C21orf91: variants seen among roughly 807,000 people sequenced by gnomAD.
The protein encoded by C21orf91 is chromosome 21 open reading frame 91, also known as protein EURL homolog.
Under a neutral mutation model 32.9 loss-of-function variants are expected in C21orf91, and 26 were observed. That is an observed-to-expected ratio of 0.79 (90% CI 0.58 to 1.10). C21orf91 has a LOEUF of 1.10. Ranked by LOEUF, C21orf91 falls within the 50% of genes least tolerant of loss-of-function variation. The probability of loss-of-function intolerance (pLI) is 0.00; values close to 1 mark genes in which losing one functional copy is unlikely to be tolerated. For missense variants in C21orf91, 310 were observed against 341.3 expected, an observed-to-expected ratio of 0.91 and a Z score of 0.72; for synonymous variants, 126 against 120.4, an observed-to-expected ratio of 1.05 and a Z score of -0.31.
chr21:17,814,310 T>C (rs2062651540), intron 2 of C21orf91, among the ~76,000 whole-genome samples: 3 of 152,180 alleles, frequency 2.0e-5, no homozygotes, highest in Non-Finnish European at 4.4e-5. Flanking sequence ...TGAACTATGA[T>C]GCATATTAGA....
rs1157661266 is a variant in C21orf91 at position 17,789,236 on chromosome 21, C to T, written c.*4179G>A. The T allele has an allele frequency of 7.0e-6, 1 of 142,086 alleles. No homozygotes were observed. The highest frequency in any genetic ancestry group is 2.8e-5 in the African/African-American group (1 of 36,118). The allele number at this position is 142,086 out of a possible 1,614,324, so 8.8% of individuals were successfully genotyped here. A position where few individuals can be genotyped will look rare whatever the true frequency, so the allele number is the denominator to read the frequency against. ...AGTTCAATGACCATAGTATACGCTA[C>T]TGTTTTAAAGCAAGGTTCACACACA... On this transcript the variant is annotated 3_prime_UTR_variant, in exon 5 of 5. Transcript: ENST00000284881.
At chr21:17,814,650 AG>A (rs1217921605) in intron 2 of C21orf91, among the ~76,000 whole-genome samples, 3 of 152,096 alleles carry the variant, frequency 2.0e-5, no homozygotes, top group African/African-American at 7.2e-5. Context: ...GAAGAGAGTG[AG>A]GGGGGGAGGT....
At position 17,791,098 on chromosome 21, in the gene C21orf91, T is replaced by TA. The variant is rs1391047160; in HGVS notation, c.*2316dup. 6.6e-6 allele frequency: 1 copy of TA among 152,184 alleles called. No homozygotes were observed. The highest frequency in any genetic ancestry group is 2.4e-5 in the African/African-American group (1 of 41,470). 9.4% of individuals were successfully genotyped at this position (152,184 alleles called of 1,614,324 possible). A position where few individuals can be genotyped will look rare whatever the true frequency, so the allele number is the denominator to read the frequency against. On this transcript the variant is annotated 3_prime_UTR_variant, in exon 5 of 5. Transcript: ENST00000284881. ...AGAACTCAACTCTGTACCTGATACT[T>TA]ATATTTGCATACACAGTAATTGCAT...
At chr21:17,806,791 G>A (rs1383778844) in intron 2 of C21orf91, among the ~76,000 whole-genome samples, 1 of 152,076 alleles carries the variant, frequency 6.6e-6, no homozygotes, top group Non-Finnish European at 1.5e-5. Context: ...AGTGAGTCAA[G>A]ATCCTGTCAC....
chr21:17,810,862 T>C (rs1343199969), intron 2 of C21orf91: 3 of 152,252 alleles, frequency 2.0e-5, no homozygotes, highest in Non-Finnish European at 4.4e-5. Flanking sequence ...GTTGGCATAT[T>C]ATTGTTTGTT....
At position 17,789,343 on chromosome 21, in the gene C21orf91, G is replaced by A. The variant is rs2062454488; in HGVS notation, c.*4072C>T. On this transcript the variant is annotated 3_prime_UTR_variant, in exon 5 of 5. Coordinates refer to ENST00000284881, the MANE Select transcript of C21orf91 (RefSeq NM_001100420.2). ...TACTTTCTAAATTGCCTCTTTTGGA[G>A]GTACGGTGAAAGAAAAACATTCTAG... The A allele has an allele frequency of 1.3e-5, 2 of 151,800 alleles. No individual in the cohort carries two copies. Among genetic ancestry groups the A allele is most frequent in the Admixed American group, 6.6e-5 (1 of 15,250 alleles). The allele number at this position is 151,800 out of a possible 1,614,324, so 9.4% of individuals were successfully genotyped here.
chr21:17,815,548 T>C (rs1342191030), intron 2 of C21orf91, among the ~76,000 whole-genome samples: 3 of 152,078 alleles, frequency 2.0e-5, no homozygotes, highest in African/African-American at 7.3e-5. Flanking sequence ...TTTTCTAGTA[T>C]GTAATTATTA....
chr21:17,802,065 C>A (rs1450114484), intron 2 of C21orf91, among the ~76,000 whole-genome samples: 2 of 152,152 alleles, frequency 1.3e-5, no homozygotes, highest in Non-Finnish European at 2.9e-5. Context: ...CTTTAAGTTC[C>A]TCTTTAAAAT....
chr21:17,815,664 A>AT (rs113135854), intron 2 of C21orf91, among the ~76,000 whole-genome samples: 264 of 146,142 alleles, frequency 1.8e-3, no homozygotes, highest in African/African-American at 4.0e-3. Context: ...TTCTAAAATA[A>AT]TTTTTTTTTT....
intron 2 of C21orf91, among the ~76,000 whole-genome samples, chr21:17,803,565 C>T (rs1306297711): frequency 6.6e-6 from 1 of 151,958 alleles, no homozygotes; most frequent in Non-Finnish European, 1.5e-5. Flanking sequence ...TTGGCACAGC[C>T]TAAGTAATTT....
chr21:17,796,512 TTACAC>T, intron 3 of C21orf91, 65 bp downstream of exon 3: 1 of 1,164,768 alleles, frequency 8.6e-7, no homozygotes, highest in South Asian at 1.5e-5. Context: ...TCTTGACCCA[TTACAC>T]ATCTATACAA....
intron 2 of C21orf91, 21 bp from the exon 3 acceptor site, chr21:17,797,139 C>T (rs770513389): frequency 1.7e-5 from 26 of 1,515,158 alleles, no homozygotes; most frequent in Non-Finnish European, 2.1e-5. Flanking sequence ...AAAAGAGAAA[C>T]AAAAGACTTG....
chr21:17,800,108 C>T (rs1220590341), intron 2 of C21orf91, among the ~76,000 whole-genome samples: 1 of 152,018 alleles, frequency 6.6e-6, no homozygotes, highest in Non-Finnish European at 1.5e-5. Context: ...AATTTCTACT[C>T]AAATATATAT....
intron 2 of C21orf91, among the ~76,000 whole-genome samples, chr21:17,803,490 G>A (rs1029278712): frequency 5.9e-5 from 9 of 152,196 alleles, no homozygotes; most frequent in East Asian, 1.9e-4. Context: ...TATCTAGCCT[G>A]GGCAACAGAG....
intron 1 of C21orf91, among the ~76,000 whole-genome samples, chr21:17,818,551 G>GT (rs1315183116): frequency 1.3e-5 from 2 of 152,204 alleles, no homozygotes; most frequent in African/African-American, 4.8e-5. Flanking sequence ...CACTATGTCC[G>GT]TGTCTTTTTT....
intron 2 of C21orf91, among the ~76,000 whole-genome samples, chr21:17,814,277 T>C (rs1188160091): frequency 1.3e-5 from 2 of 152,172 alleles, no homozygotes; most frequent in Non-Finnish European, 2.9e-5. Flanking sequence ...GGTCATTAAA[T>C]ATCTTTAGAG....
rs146559184 is a variant in C21orf91 at position 17,802,220 on chromosome 21, G to T, written c.128-5102C>A. ...TTGTTGCCCGGGCTGAAGTGCAGTG[G>T]TACAATCTCAGCTCACTGCAACCTC... On this transcript the variant is annotated intron_variant, in intron 2 of 4. Coordinates refer to ENST00000284881, the MANE Select transcript of C21orf91 (RefSeq NM_001100420.2). Among the ~76,000 whole-genome samples the T allele has an allele frequency of 3.3e-5, 5 of 152,308 alleles. No individual in the cohort carries two copies. The East Asian group carries it at 9.6e-4, about 29-fold the overall frequency.
At chr21:17,794,269 C>T (rs2062501118) in intron 4 of C21orf91, among the ~76,000 whole-genome samples, 2 of 152,146 alleles carry the variant, frequency 1.3e-5, no homozygotes, top group Admixed American at 1.3e-4. Flanking sequence ...CTCTGAAGTA[C>T]AATTTTCTCA....
chr21:17,794,920 G>T (rs773474732), intron 4 of C21orf91, among the ~76,000 whole-genome samples: 1 of 150,852 alleles, frequency 6.6e-6, no homozygotes, highest in Non-Finnish European at 1.5e-5. Context: ...TAGAAAATTA[G>T]CTGGGTGTAA....
Sources: allele counts gnomAD v4.1 joint callset (sites outside exome capture counted in the v4.1 genomes callset), GRCh38; gene constraint gnomAD v4.1.1; transcripts MANE v1.5; gene names NCBI Gene and HGNC (gene_info 2026-07-23, HGNC 2026-07-21).